The following TTN variants were observed in gnomAD, a reference collection of about 807,000 sequenced individuals.
The protein encoded by TTN is titin, also known as connectin.
Under a neutral mutation model 3,223.0 loss-of-function variants are expected in TTN, and 1,525 were observed. The observed-to-expected ratio is 0.47, with a 90% CI of 0.45 to 0.49. The LOEUF (loss-of-function observed/expected upper bound fraction) is 0.49. Ranked by LOEUF, TTN falls within the 20% of genes least tolerant of loss-of-function variation. The pLI is 0.00. For synonymous variants in TTN, 14,094 were observed against 15,161.0 expected (o/e 0.93, Z 5.17); for missense variants, 40,786 against 43,424.0 (o/e 0.94, Z 5.40).
chr2:178,664,046 A>G lies in TTN; in HGVS notation c.36333T>C (p.Pro12111=), dbSNP rs751498061. The stretch of plus-strand genomic sequence containing the variant: ...CAGGTGGGACTTCAGGCTTTTTAGG[A>G]GGCACCACCGACACTTTCTTTTCAG... The part of the protein sequence containing the change: ...IIPEKKVSVV[P]PKKPEVPPVK... The change falls in exon 169 of 363, where the codon CCT becomes CCC. Residue 12111 remains proline, a synonymous_variant. Transcript: ENST00000589042. The G allele has an allele frequency of 1.2e-6, 2 of 1,613,286 alleles. No individual in the cohort carries two copies. The highest frequency in any genetic ancestry group is 2.2e-5 in the South Asian group (2 of 91,054).
Position 178,621,912 on chromosome 2 carries a change from G to A in TTN, c.45010C>T (p.Leu15004=). 6.2e-7 allele frequency: 1 copy of A among 1,612,076 alleles called. No homozygotes were observed. The highest frequency in any genetic ancestry group is 8.5e-7 in the Non-Finnish European group (1 of 1,178,960). The change falls in exon 244 of 363, where the codon CTA becomes TTA. Residue 15004 remains leucine (L), a synonymous_variant. Transcript: ENST00000589042. ...AVRILVINKC[L]LDDEAEYSCE... Reference sequence around the variant, plus strand: ...GAATATTCAGCTTCATCATCCAGTAGACATTTGTTGATGACAAGAATGCGC... The same window carrying A: ...GAATATTCAGCTTCATCATCCAGTAAACATTTGTTGATGACAAGAATGCGC...
intron 156 of TTN, among the ~76,000 whole-genome samples, chr2:178,670,727 T>C (rs1256701908): frequency 1.3e-5 from 2 of 151,976 alleles, no homozygotes; most frequent in African/African-American, 4.8e-5. Flanking sequence ...AAACACATAT[T>C]CACTATGTAT....
Position 178,617,396 on chromosome 2 carries a change from C to T in TTN, c.47689G>A (p.Glu15897Lys), listed in dbSNP as rs746794275. The stretch of plus-strand genomic sequence containing the variant: ...TTATCTTTTCCTTCTTCGCATCGCT[C>T]AATTATATAGCCTAATATTGGGCTT... The part of the protein sequence containing the change: ...GGSPILGYII[E>K]RCEEGKDNWI... The change falls in exon 254 of 363, where the codon GAG becomes AAG. Residue 15897 changes from glutamate (E) to lysine (K), a missense_variant. Physicochemically the swap from Glu to Lys is moderately conservative, Grantham distance 56. Coordinates refer to ENST00000589042, the MANE Select transcript of TTN (RefSeq NM_001267550.2). The T allele has an allele frequency of 6.3e-7, 1 of 1,590,820 alleles. No individual in the cohort carries two copies. Among genetic ancestry groups the T allele is most frequent in the South Asian group, 1.2e-5 (1 of 85,600 alleles).
In TTN at chr2:178,616,747, T is replaced by C; in HGVS notation, c.48142A>G (p.Ile16048Val). Reference sequence around the variant, plus strand: ...TCCTTACCAATTACATTGACATCAATTTCCCCAGAAATTGTTTTCACACGG... The same window carrying C: ...TCCTTACCAATTACATTGACATCAACTTCCCCAGAAATTGTTTTCACACGG... ...ENRVKTISGE[I>V]DVNVIARPSA... Residue 16048 changes from isoleucine to valine, a missense_variant, in exon 256 of 363, where the codon ATT becomes GTT. Ile to Val is a conservative substitution (Grantham distance 29). Coordinates refer to ENST00000589042, the MANE Select transcript of TTN (RefSeq NM_001267550.2). 6.2e-7 allele frequency: 1 copy of C among 1,612,634 alleles called. No homozygotes were observed. The highest frequency in any genetic ancestry group is 2.2e-5 in the East Asian group (1 of 44,760).
At position 178,574,653 on chromosome 2, in the gene TTN, G is replaced by C; in HGVS notation, c.71479C>G (p.Pro23827Ala). The C allele has an allele frequency of 3.1e-6, 5 of 1,613,096 alleles. No homozygotes were observed. Among genetic ancestry groups the C allele is most frequent in the Non-Finnish European group, 4.2e-6 (5 of 1,179,462 alleles). ...ACCTGAGGGGTACCAGGAGGTCCAG[G>C]AACCTTAAATGGATAGTTGGCAACT... ...CIVANYPFKV[P>A]GPPGTPQVTA... The change falls in exon 326 of 363, where the codon CCT becomes GCT. Residue 23827 changes from proline to alanine, a missense_variant. Pro to Ala is a conservative substitution (Grantham distance 27). Coordinates refer to ENST00000589042, the MANE Select transcript of TTN (RefSeq NM_001267550.2).
rs2154136319 is a variant in TTN at position 178,534,946 on chromosome 2, ATAAC to A, written c.101665_101668del (p.Val33889Ter). ...AAGTCCTGATATAAACTCAAAGATC[ATAAC>A]TAATTCTTCCATGCTTTCAAATGAT... is the stretch of plus-strand genomic sequence containing the variant. On this transcript the variant is annotated frameshift_variant, in exon 358 of 363. Coordinates refer to ENST00000589042, the MANE Select transcript of TTN (RefSeq NM_001267550.2). LOFTEE classifies it high-confidence loss of function. 1 of 1,612,636 alleles carries A rather than the reference ATAAC, an allele frequency of 6.2e-7. No individual in the cohort carries two copies. Among genetic ancestry groups the A allele is most frequent in the Non-Finnish European group, 8.5e-7 (1 of 1,179,736 alleles).
In TTN at chr2:178,739,309, T is replaced by C. The variant is rs371961804; in HGVS notation, c.13924A>G (p.Lys4642Glu). ...AACTTTTCATCTGAAGGCACCAGTT[T>C]ATTCTCAAAATACCAATTCACCTCT... is the stretch of plus-strand genomic sequence containing the variant. ...AKEVNWYFEN[K>E]LVPSDEKFKC... Residue 4642 changes from lysine to glutamate, a missense_variant, in exon 48 of 363, where the codon AAA (lysine) becomes GAA (glutamate). Lys to Glu is a moderately conservative substitution (Grantham distance 56). Coordinates refer to ENST00000589042, the MANE Select transcript of TTN (RefSeq NM_001267550.2). The C allele has an allele frequency of 1.9e-6, 3 of 1,613,500 alleles. No homozygotes were observed. The African/African-American group carries it at 4.0e-5, about 22-fold the overall frequency.
At chr2:178,782,150 T>C (rs1199085648) in intron 20 of TTN, 62 bp downstream of exon 20, 2 of 1,592,034 alleles carry the variant, frequency 1.3e-6, no homozygotes, top group Non-Finnish European at 1.7e-6. Context: ...TAAATTCTAC[T>C]CTAGGCTTCA....
At chr2:178,595,192 A>G (rs530095922) in intron 295 of TTN, among the ~76,000 whole-genome samples, 2 of 152,132 alleles carry the variant, frequency 1.3e-5, no homozygotes, top group South Asian at 2.1e-4. Flanking sequence ...AATCACTTGA[A>G]CCTCAGAGGT....
At chr2:178,614,443 T>G in intron 261 of TTN, 23 bp downstream of exon 261, 1 of 1,583,768 alleles carries the variant, frequency 6.3e-7, no homozygotes, top group Non-Finnish European at 8.6e-7. Context: ...TTTATCCCCT[T>G]TTAAAATGAG....
intron 332 of TTN, 111 bp downstream of exon 332, chr2:178,554,342 A>C: frequency 7.0e-7 from 1 of 1,425,570 alleles, no homozygotes; most frequent in Non-Finnish European, 9.6e-7. Flanking sequence ...TGTGAAAAGG[A>C]TGGTAATGAG....
chr2:178,718,983 G>C lies in TTN; in HGVS notation c.24227-10C>G, dbSNP rs2154299830. The C allele has an allele frequency of 6.3e-7, 1 of 1,582,928 alleles. No individual in the cohort carries two copies. Among genetic ancestry groups the C allele is most frequent in the East Asian group, 2.3e-5 (1 of 44,198 alleles). On this transcript the variant is annotated splice_polypyrimidine_tract_variant and intron_variant, in intron 83 of 362. Coordinates refer to ENST00000589042, the MANE Select transcript of TTN (RefSeq NM_001267550.2). The stretch of plus-strand genomic sequence containing the variant: ...TCAAAAGATGGTGGTTCTAGATATT[G>C]CAAGGCGGAAGGGGAGATAAAGAGA...
rs375796420 is a variant in TTN at position 178,607,041 on chromosome 2, A to T, written c.53561T>A (p.Ile17854Asn). The T allele has an allele frequency of 1.7e-5, 27 of 1,610,410 alleles. No individual in the cohort carries two copies. Among genetic ancestry groups the T allele is most frequent in the Non-Finnish European group, 1.8e-5 (21 of 1,178,652 alleles). ...TTTACCTAGTGGATCAACTGCAAGA[A>T]TTGGTCCTATTTCAACAGGAGGGCC... ...GCGPPVEIGPILAVDPLGPPT... is the reference protein window; with the variant it reads ...GCGPPVEIGPNLAVDPLGPPT... Residue 17854 changes from isoleucine to asparagine, a missense_variant, in exon 278 of 363, where the codon ATT (isoleucine) becomes AAT (asparagine). Transcript: ENST00000589042.
At chr2:178,588,297 T>TA (rs1231983429) in intron 304 of TTN, 78 bp from the exon 305 acceptor site, 44 of 1,334,018 alleles carry the variant, frequency 3.3e-5, no homozygotes, top group Non-Finnish European at 4.3e-5. Flanking sequence ...TATTCTCAGT[T>TA]AATCAAATAT....
At position 178,570,731 on chromosome 2, in the gene TTN, T is replaced by G. The variant is rs746343685; in HGVS notation, c.75401A>C (p.Asp25134Ala). 1 of 1,613,478 alleles carries G rather than the reference T, an allele frequency of 6.2e-7. No individual in the cohort carries two copies. The highest frequency in any genetic ancestry group is 1.7e-5 in the Admixed American group (1 of 59,970). ...HAGESFKVDADIYGKPIPTIQ... is the reference protein window; with the variant it reads ...HAGESFKVDAAIYGKPIPTIQ... ...GGTTGGTATTGGTTTGCCATAAATA[T>G]CTGCATCAACCTTGAATGATTCACC... Residue 25134 changes from aspartate (D) to alanine (A), a missense_variant, in exon 326 of 363, where the codon GAT (aspartate) becomes GCT (alanine). Coordinates refer to ENST00000589042, the MANE Select transcript of TTN (RefSeq NM_001267550.2).
chr2:178,754,215 C>G (rs2086342828), intron 46 of TTN, among the ~76,000 whole-genome samples: 1 of 151,930 alleles, frequency 6.6e-6, no homozygotes, highest in Non-Finnish European at 1.5e-5. Context: ...GACATTCCTA[C>G]TTGATCTTGG....
chr2:178,592,652 CA>C lies in TTN; in HGVS notation c.59352del (p.Glu19785SerfsTer2), dbSNP rs869312111. On this transcript the variant is annotated frameshift_variant, in exon 301 of 363. Coordinates refer to ENST00000589042, the MANE Select transcript of TTN (RefSeq NM_001267550.2). LOFTEE classifies it high-confidence loss of function. ...PVLVKDRLEP[P>X]ELILDANMAR... Reference sequence around the variant, plus strand: ...GCCATGTTGGCATCAAGAATCAACTCAGGGGGTTCTAGAATAAAGAGAACAG... The same window carrying C: ...GCCATGTTGGCATCAAGAATCAACTCGGGGGTTCTAGAATAAAGAGAACAG... The C allele has an allele frequency of 1.9e-6, 3 of 1,612,888 alleles. No homozygotes were observed. Among genetic ancestry groups the C allele is most frequent in the Non-Finnish European group, 2.5e-6 (3 of 1,179,430 alleles).
In TTN at chr2:178,605,275, G is replaced by T. The variant is rs776785175; in HGVS notation, c.53902C>A (p.Arg17968Ser). 1 of 1,587,968 alleles carries T rather than the reference G, an allele frequency of 6.3e-7. No homozygotes were observed. Among genetic ancestry groups the T allele is most frequent in the Middle Eastern group, 1.7e-4 (1 of 5,938 alleles). ...ATAGTGTCTCCTCGAACACTCAGAC[G>T]CAACTTAATAGTTGGAGGCACTGCA... Reference protein sequence around the residue: ...DDEVPPTIKLRLSVRGDTIKV... With the variant: ...DDEVPPTIKLSLSVRGDTIKV... The change falls in exon 280 of 363, where the codon CGT becomes AGT. Residue 17968 changes from arginine (R) to serine (S), a missense_variant. Arg to Ser is a moderately radical substitution (Grantham distance 110). Transcript: ENST00000589042.
chr2:178,758,918 T>C, intron 44 of TTN, 66 bp downstream of exon 44: 1 of 1,460,706 alleles, frequency 6.8e-7, no homozygotes, highest in South Asian at 1.1e-5. Flanking sequence ...TCTTGAGTAA[T>C]TGTTACAGAC....
Sources: allele counts gnomAD v4.1 joint callset (sites outside exome capture counted in the v4.1 genomes callset), GRCh38; gene constraint gnomAD v4.1.1; transcripts MANE v1.5; gene names NCBI Gene and HGNC (gene_info 2026-07-23, HGNC 2026-07-21).